The following DNAH2 variants were observed in gnomAD, a reference collection of about 807,000 sequenced individuals.
DNAH2 encodes axonemal beta dynein heavy chain 2.
DNAH2 carries 323 observed loss-of-function variants against 523.5 expected under a neutral mutation model. That is an observed-to-expected ratio of 0.62 (90% CI 0.56 to 0.68). The LOEUF (loss-of-function observed/expected upper bound fraction) is 0.68. Among genes scored for constraint, DNAH2 ranks in the 30% least tolerant of loss-of-function variants. The pLI is 0.00. For missense variants in DNAH2, 4,907 were observed against 5,701.5 expected, an observed-to-expected ratio of 0.86 and a Z score of 4.49; for synonymous variants, 2,093 against 2,177.4, an observed-to-expected ratio of 0.96 and a Z score of 1.08.
chr17:7,719,934 A>C, intron 2 of DNAH2, 34 bp downstream of exon 2: 1 of 1,469,278 alleles, frequency 6.8e-7, no homozygotes, highest in Non-Finnish European at 9.0e-7. Context: ...ATGCTTAGCA[A>C]TGGAGGGTGG....
intron 12 of DNAH2, among the ~76,000 whole-genome samples, chr17:7,749,306 CCCAAAA>C (rs2075606728): frequency 1.1e-3 from 4 of 3,504 alleles, no homozygotes; most frequent in Non-Finnish European, 1.8e-3. Context: ...TAAACTCCCC[CCCAAAA>C]AAAAAAAAAA....
chr17:7,734,292 G>C lies in DNAH2; in HGVS notation c.738G>C (p.Glu246Asp). The C allele has an allele frequency of 6.2e-7, 1 of 1,607,616 alleles. No individual in the cohort carries two copies. The highest frequency in any genetic ancestry group is 8.5e-7 in the Non-Finnish European group (1 of 1,176,894). Residue 246 changes from glutamate (E) to aspartate (D), a missense_variant and splice_region_variant, in exon 6 of 86, where the codon GAG becomes GAC. Transcript: ENST00000572933. ...IKDKELVQRLETSMIHWTRQI... is the reference protein window; with the variant it reads ...IKDKELVQRLDTSMIHWTRQI... ...ACAAAGAGCTGGTGCAACGGCTAGA[G>C]AGTGAGTGGCTGGCACTGCTAGCAT...
In DNAH2 at chr17:7,770,355, G is replaced by A; in HGVS notation, c.4045G>A (p.Glu1349Lys). 1 of 1,614,080 alleles carries A rather than the reference G, an allele frequency of 6.2e-7. No individual in the cohort carries two copies. Among genetic ancestry groups the A allele is most frequent in the Non-Finnish European group, 8.5e-7 (1 of 1,180,012 alleles). Residue 1349 changes from glutamate to lysine, a missense_variant, in exon 25 of 86, where the codon GAG becomes AAG. Glu to Lys is a moderately conservative substitution (Grantham distance 56). This residue lies in a region of DNAH2 where 2,806 missense variants were observed against 3,190.8 expected (regional missense o/e 0.88). Transcript: ENST00000572933. ...GGAGCTTGGGATGGATCAGCATGTG[G>A]AGAAAATTGGGGAGATCTCTGCTTC... The part of the protein sequence containing the change: ...IVELGMDQHV[E>K]KIGEISASAT...
chr17:7,801,607 T>C lies in DNAH2; in HGVS notation c.8729T>C (p.Val2910Ala), dbSNP rs776552405. 6.2e-7 allele frequency: 1 copy of C among 1,614,158 alleles called. No individual in the cohort carries two copies. The highest frequency in any genetic ancestry group is 8.5e-7 in the Non-Finnish European group (1 of 1,180,032). The change falls in exon 57 of 86, where the codon GTG becomes GCG. Residue 2910 changes from valine (V) to alanine (A), a missense_variant. Val to Ala is a moderately conservative substitution (Grantham distance 64, BLOSUM62 0). Transcript: ENST00000572933. ...TGGATCCGCCAGTACCCAGCCTTGGTGAACTGCACAACCATCAACTGGTTC... is the reference window on the plus strand; with the variant it reads ...TGGATCCGCCAGTACCCAGCCTTGGCGAACTGCACAACCATCAACTGGTTC... ...RNWIRQYPAL[V>A]NCTTINWFSE... is the part of the protein sequence containing the mutation.
rs1184696204 is a variant in DNAH2 at position 7,767,892 on chromosome 17, C to T, written c.3676-8C>T. ...CCACTTCATGCAACGCGCCTTTCTG[C>T]CCTGTAGGAGCTCGATGCCCTCCAG... is the stretch of plus-strand genomic sequence containing the variant. On this transcript the variant is annotated splice_polypyrimidine_tract_variant and splice_region_variant and intron_variant, in intron 22 of 85. Coordinates refer to ENST00000572933, the MANE Select transcript of DNAH2 (RefSeq NM_020877.5). The T allele has an allele frequency of 2.5e-6, 4 of 1,613,900 alleles. No homozygotes were observed. The highest frequency in any genetic ancestry group is 3.4e-6 in the Non-Finnish European group (4 of 1,180,012).
chr17:7,781,295 T>C lies in DNAH2; in HGVS notation c.6129+128T>C, dbSNP rs748754083. On this transcript the variant is annotated intron_variant, in intron 39 of 85. Coordinates refer to ENST00000572933, the MANE Select transcript of DNAH2 (RefSeq NM_020877.5). ...TTTGAGACTAGCCTGGGCAACATGG[T>C]GAAACCCTGTATCTACAAAAAGTAC... 3.8e-6 allele frequency: 4 copies of C among 1,062,546 alleles called. No individual in the cohort carries two copies. In the Admixed American group the frequency reaches 5.5e-5, roughly 15 times the overall value. The allele number at this position is 1,062,546 out of a possible 1,614,324, so 65.8% of individuals were successfully genotyped here.
In DNAH2 at chr17:7,751,138, T is replaced by C. The variant is rs12951457; in HGVS notation, c.1905-5953T>C. On this transcript the variant is annotated intron_variant, in intron 12 of 85. Transcript: ENST00000572933. ...CAAGTTATTTATTTATTTATTTATT[T>C]ATTTATTTATTCATTTTTTTTTTGA... 3.1e-3 allele frequency among the ~76,000 whole-genome samples: 121 copies of C among 39,098 alleles called. 1 individual carries two copies. Among genetic ancestry groups the C allele is most frequent in the East Asian group, 5.6e-3 (2 of 356 alleles). The allele number at this position is 39,098 out of a possible 152,430, so 25.6% of individuals were successfully genotyped here. A position where few individuals can be genotyped will look rare whatever the true frequency, so the allele number is the denominator to read the frequency against.
At position 7,819,226 on chromosome 17, in the gene DNAH2, C is replaced by G; in HGVS notation, c.10833C>G (p.Ala3611=). 2 of 1,613,898 alleles carry G rather than the reference C, an allele frequency of 1.2e-6. 1 individual carries two copies. The highest frequency in any genetic ancestry group is 2.2e-5 in the South Asian group (2 of 91,090). Residue 3611 remains alanine (A), a synonymous_variant, in exon 72 of 86, where the codon GCC becomes GCG. Coordinates refer to ENST00000572933, the MANE Select transcript of DNAH2 (RefSeq NM_020877.5). ...DLAREAYRPC[A]QRASILFFVL... ...ACCGGCAGGCTTACCGCCCATGCGC[C>G]CAGCGGGCATCAATCCTGTTCTTCG...
At chr17:7,741,060 T>C in intron 11 of DNAH2, 68 bp downstream of exon 11, 1 of 1,528,140 alleles carries the variant, frequency 6.5e-7, no homozygotes, top group Non-Finnish European at 8.8e-7. Context: ...GGATGGCTCC[T>C]GAGAGGTTCC....
chr17:7,770,933 G>A lies in DNAH2; in HGVS notation c.4362G>A (p.Glu1454=). The A allele has an allele frequency of 1.2e-6, 2 of 1,613,226 alleles. No homozygotes were observed. Among genetic ancestry groups the A allele is most frequent in the Non-Finnish European group, 1.7e-6 (2 of 1,179,868 alleles). ...LTVQRQWMYL[E]NIFLGEDIRK... is the part of the protein sequence containing the mutation. Reference sequence around the variant, plus strand: ...TGCAGCGTCAGTGGATGTACTTAGAGGTCAGGACTCAGCGCCTGAGCTCTT... The same window carrying A: ...TGCAGCGTCAGTGGATGTACTTAGAAGTCAGGACTCAGCGCCTGAGCTCTT... The change falls in exon 27 of 86, where the codon GAG becomes GAA. Residue 1454 remains glutamate, a splice_region_variant and synonymous_variant. Transcript: ENST00000572933.
intron 12 of DNAH2, among the ~76,000 whole-genome samples, chr17:7,749,030 C>T (rs373281911): frequency 1.5e-4 from 22 of 151,460 alleles, no homozygotes; most frequent in South Asian, 6.3e-4. Context: ...TTGCCTTGGC[C>T]GGATGCGGTG....
At chr17:7,833,254 C>G in intron 85 of DNAH2, 33 bp downstream of exon 85, 1 of 1,606,538 alleles carries the variant, frequency 6.2e-7, no homozygotes, top group Non-Finnish European at 8.5e-7. Context: ...ACCTGCCTGC[C>G]CCGTCCCTAG....
In DNAH2 at chr17:7,805,356, C is replaced by T; in HGVS notation, c.9405C>T (p.Gly3135=). ...TGCAGGCAGTTATGATTCTTCGAGGCAACGAGCCCACATGGGCAGAGGCCA... is the reference window on the plus strand; with the variant it reads ...TGCAGGCAGTTATGATTCTTCGAGGTAACGAGCCCACATGGGCAGAGGCCA... ...IVMQAVMILR[G]NEPTWAEAKR... Residue 3135 remains glycine (G), a synonymous_variant, in exon 61 of 86, where the codon GGC becomes GGT. Coordinates refer to ENST00000572933, the MANE Select transcript of DNAH2 (RefSeq NM_020877.5). 6.2e-7 allele frequency: 1 copy of T among 1,614,222 alleles called. No individual in the cohort carries two copies. The highest frequency in any genetic ancestry group is 1.3e-5 in the African/African-American group (1 of 75,048).
chr17:7,796,828 A>C (rs1296396470), intron 50 of DNAH2, among the ~76,000 whole-genome samples, 176 bp downstream of exon 50: 1 of 149,360 alleles, frequency 6.7e-6, no homozygotes, highest in East Asian at 2.0e-4. Context: ...GGTGGCTCAC[A>C]CCTGTAATTC....
chr17:7,765,217 A>G (rs1289753441), intron 20 of DNAH2, among the ~76,000 whole-genome samples, 174 bp from the exon 21 acceptor site: 1 of 148,494 alleles, frequency 6.7e-6, no homozygotes, highest in Non-Finnish European at 1.5e-5. Context: ...TCCTCCACGC[A>G]TGAGAGGGCA....
At chr17:7,766,995 C>T (rs2076187460) in intron 22 of DNAH2, among the ~76,000 whole-genome samples, 1 of 152,054 alleles carries the variant, frequency 6.6e-6, no homozygotes, top group African/African-American at 2.4e-5. Flanking sequence ...TTTAGTAATT[C>T]ATACCACATC....
At chr17:7,804,924 A>G (rs371711195) in intron 59 of DNAH2, 34 bp from the exon 60 acceptor site, 180 of 1,585,438 alleles carry the variant, frequency 1.1e-4, no homozygotes, top group South Asian at 7.0e-4. Flanking sequence ...CCCAAGGCAA[A>G]GACAAAAAAC....
Position 7,786,845 on chromosome 17 carries a change from G to T in DNAH2, c.6467-52G>T. ...TGTGTCTCCGAGGAGCGTGAGCGGAGGGTGCAAGGTGAGCGGCTCCCCGGT... is the reference window on the plus strand; with the variant it reads ...TGTGTCTCCGAGGAGCGTGAGCGGATGGTGCAAGGTGAGCGGCTCCCCGGT... On this transcript the variant is annotated intron_variant, in intron 41 of 85. Coordinates refer to ENST00000572933, the MANE Select transcript of DNAH2 (RefSeq NM_020877.5). This position sits in a 1 kb window ranked among gnomAD's most constrained non-coding sequence, Gnocchi z 7.5. 1.2e-6 allele frequency: 2 copies of T among 1,612,170 alleles called. No individual in the cohort carries two copies. The highest frequency in any genetic ancestry group is 2.2e-5 in the South Asian group (2 of 91,040).
rs567267669 is a variant in DNAH2, at chr17:7,786,492, C to T, written c.6349-78C>T. The T allele has an allele frequency of 2.0e-5, 29 of 1,478,872 alleles. No homozygotes were observed. The highest frequency in any genetic ancestry group is 1.0e-4 in the Admixed American group (6 of 58,316). The allele number at this position is 1,478,872 out of a possible 1,614,324, so 91.6% of individuals were successfully genotyped here. ...AGCGATGAGAGAAGGGACAAATGCA[C>T]GTACCTAAGAGGGGTCTGGAAATAA... On this transcript the variant is annotated intron_variant, in intron 40 of 85. Coordinates refer to ENST00000572933, the MANE Select transcript of DNAH2 (RefSeq NM_020877.5). The surrounding 1 kb of genome is among the most constrained non-coding windows in gnomAD (Gnocchi z 7.5).
Sources: allele counts gnomAD v4.1 joint callset (sites outside exome capture counted in the v4.1 genomes callset), GRCh38; gene constraint gnomAD v4.1.1; regional missense constraint gnomAD v4.1.1; non-coding constraint Gnocchi (gnomAD v3.1); transcripts MANE v1.5; gene names NCBI Gene and HGNC (gene_info 2026-07-23, HGNC 2026-07-21).